SLC36A2: variants seen among roughly 807,000 people sequenced by gnomAD.
SLC36A2 encodes proton-coupled amino acid transporter 2.
A neutral mutation model predicts 42.7 loss-of-function variants in SLC36A2; 39 were observed. That is an observed-to-expected ratio of 0.91 (90% CI 0.71 to 1.19). SLC36A2 has a LOEUF of 1.19. SLC36A2 is among the 50% of genes most tolerant of loss of function. SLC36A2 has a pLI of 0.00. For synonymous variants in SLC36A2, 237 were observed against 240.8 expected, an observed-to-expected ratio of 0.98 and a Z score of 0.15; for missense variants, 590 against 613.7, an observed-to-expected ratio of 0.96 and a Z score of 0.41.
At chr5:151,342,052 A>G (rs1756361570) in intron 4 of SLC36A2, among the ~76,000 whole-genome samples, 1 of 152,114 alleles carries the variant, frequency 6.6e-6, no homozygotes, top group Non-Finnish European at 1.5e-5. Flanking sequence ...CTTACAATCT[A>G]TTCTCCTTAG....
intron 5 of SLC36A2, among the ~76,000 whole-genome samples, chr5:151,336,632 C>T (rs1200113075): frequency 2.0e-5 from 3 of 151,940 alleles, no homozygotes; most frequent in Non-Finnish European, 4.4e-5. Flanking sequence ...TAGCCCTGGA[C>T]CCCACCCACT....
intron 1 of SLC36A2, among the ~76,000 whole-genome samples, chr5:151,346,017 C>A (rs1280085672): frequency 6.6e-6 from 1 of 152,186 alleles, no homozygotes. Flanking sequence ...CTGGGTGAGC[C>A]AACCCCATCG....
chr5:151,342,570 A>G (rs1045652574), intron 4 of SLC36A2, among the ~76,000 whole-genome samples: 1 of 152,230 alleles, frequency 6.6e-6, no homozygotes, highest in African/African-American at 2.4e-5. Context: ...TCACTGGACT[A>G]TGGGTTCTGT....
intron 4 of SLC36A2, among the ~76,000 whole-genome samples, 163 bp downstream of exon 4, chr5:151,342,724 GA>G (rs1756381837): frequency 6.6e-6 from 1 of 152,240 alleles, no homozygotes; most frequent in African/African-American, 2.4e-5. Context: ...AGATACACAA[GA>G]AGTGGGGGTT....
rs1399487522 is a variant in SLC36A2 at position 151,336,860 on chromosome 5, T to C, written c.526-1313A>G. 3.3e-5 allele frequency among the ~76,000 whole-genome samples: 5 copies of C among 152,218 alleles called. No individual in the cohort carries two copies. The East Asian group carries it at 9.6e-4, about 29-fold the overall frequency. On this transcript the variant is annotated intron_variant, in intron 5 of 9. Coordinates refer to ENST00000335244, the MANE Select transcript of SLC36A2 (RefSeq NM_181776.3). ...GAGTTCAGCAGGAGGAAAACACAAA[T>C]GCATTGATAATCTCAGTATCAAGAT...
At position 151,342,894 on chromosome 5, in the gene SLC36A2, C is replaced by A. The variant is rs143350420; in HGVS notation, c.434G>T (p.Trp145Leu). Residue 145 changes from tryptophan (W) to leucine (L), a missense_variant, in exon 4 of 10, where the codon TGG becomes TTG. Transcript: ENST00000335244. ...CAAAGCAAGAACAGGTTACCTTCCC[C>A]AGTGAGCGTGATTCTGGAGCCAGGC... is the stretch of plus-strand genomic sequence containing the variant. ...PNAWLQNHAH[W>L]GRHIVSFFLI... 2.9e-5 allele frequency: 47 copies of A among 1,614,028 alleles called. No homozygotes were observed. The highest frequency in any genetic ancestry group is 3.9e-5 in the Non-Finnish European group (46 of 1,179,918).
Position 151,343,522 on chromosome 5 carries a change from C to A in SLC36A2, c.332G>T (p.Arg111Leu). 1 of 1,614,128 alleles carries A rather than the reference C, an allele frequency of 6.2e-7. No homozygotes were observed. Among genetic ancestry groups the A allele is most frequent in the Non-Finnish European group, 8.5e-7 (1 of 1,180,012 alleles). ...CTGTTTTCCTCACCTCTTACAGAAG[C>A]GCTGGGCACACTTGACCAGGATGTG... ...CMHILVKCAQ[R>L]FCKRLNKPFM... The change falls in exon 3 of 10, where the codon CGC (arginine) becomes CTC (leucine). Residue 111 changes from arginine to leucine, a missense_variant. Physicochemically the swap from Arg to Leu is moderately radical, Grantham distance 102 (BLOSUM62 -2). Coordinates refer to ENST00000335244, the MANE Select transcript of SLC36A2 (RefSeq NM_181776.3).
chr5:151,344,350 C>G, intron 1 of SLC36A2, 83 bp from the exon 2 acceptor site: 1 of 1,175,782 alleles, frequency 8.5e-7, no homozygotes, highest in South Asian at 1.3e-5. Flanking sequence ...CATGCCAGCA[C>G]CTGATAGGCG....
chr5:151,325,264 A>G lies in SLC36A2; in HGVS notation c.1010+22T>C, dbSNP rs368072067. The G allele has an allele frequency of 3.5e-5, 57 of 1,611,270 alleles. No homozygotes were observed. In the African/African-American group the frequency reaches 7.5e-4, roughly 21 times the overall value. ...TTCCACCCATTCCTGAGTCCCCACC[A>G]CCTGACAGCCCATGAAGATACCAGC... On this transcript the variant is annotated intron_variant, in intron 8 of 9. Transcript: ENST00000335244.
rs1755514509 is a variant in SLC36A2 at position 151,316,965 on chromosome 5, C to T, written c.1304G>A (p.Gly435Asp). ...CTTGAAGATGGTGAGGGGGCTCATGCCCTCTGAGTAGAACGTGGTGACCTC... is the reference window on the plus strand; with the variant it reads ...CTTGAAGATGGTGAGGGGGCTCATGTCCTCTGAGTAGAACGTGGTGACCTC... The part of the protein sequence containing the change: ...LLEVTTFYSE[G>D]MSPLTIFKDA... Residue 435 changes from glycine (G) to aspartate (D), a missense_variant, in exon 10 of 10, where the codon GGC (glycine) becomes GAC (aspartate). Transcript: ENST00000335244. 4 of 1,613,970 alleles carry T rather than the reference C, an allele frequency of 2.5e-6. No homozygotes were observed. Among genetic ancestry groups the T allele is most frequent in the Non-Finnish European group, 3.4e-6 (4 of 1,179,988 alleles).
intron 7 of SLC36A2, chr5:151,332,370 A>C: frequency 2.2e-6 from 1 of 455,050 alleles, no homozygotes. Context: ...AGATGTGCAA[A>C]TTGCCAACAA....
In SLC36A2 at chr5:151,343,608, G is replaced by A. The variant is rs1195773796; in HGVS notation, c.256-10C>T. The A allele has an allele frequency of 6.2e-7, 1 of 1,612,330 alleles. No individual in the cohort carries two copies. The highest frequency in any genetic ancestry group is 1.3e-5 in the African/African-American group (1 of 75,024). On this transcript the variant is annotated splice_polypyrimidine_tract_variant and intron_variant, in intron 2 of 9. Coordinates refer to ENST00000335244, the MANE Select transcript of SLC36A2 (RefSeq NM_181776.3). ...GACTGAGTGGGCCCATCTGGAGGAA[G>A]GGGAGGCAAGGGGCGAGGGAGGAGA... is the stretch of plus-strand genomic sequence containing the variant.
Position 151,316,792 on chromosome 5 carries a change from T to C in SLC36A2, c.*25A>G. On this transcript the variant is annotated 3_prime_UTR_variant, in exon 10 of 10. Coordinates refer to ENST00000335244, the MANE Select transcript of SLC36A2 (RefSeq NM_181776.3). ...ATCCATATAATTAAAAGTCGGGTGC[T>C]GGTAGGCAAGGAGCAGTGCCAGGCT... 1 of 1,547,142 alleles carries C rather than the reference T, an allele frequency of 6.5e-7. No individual in the cohort carries two copies.
Position 151,316,677 on chromosome 5 carries a change from T to G in SLC36A2, c.*140A>C. On this transcript the variant is annotated 3_prime_UTR_variant, in exon 10 of 10. Coordinates refer to ENST00000335244, the MANE Select transcript of SLC36A2 (RefSeq NM_181776.3). Reference sequence around the variant, plus strand: ...ATCGCTTGAACCCAGGAGGCCGAAGTTGTGGTGAGCTGAGATCGCATCATT... The same window carrying G: ...ATCGCTTGAACCCAGGAGGCCGAAGGTGTGGTGAGCTGAGATCGCATCATT... The G allele has an allele frequency of 2.8e-6, 3 of 1,085,330 alleles. No homozygotes were observed. The highest frequency in any genetic ancestry group is 3.8e-6 in the Non-Finnish European group (3 of 781,482). 67.2% of individuals were successfully genotyped at this position (1,085,330 alleles called of 1,614,324 possible).
Position 151,316,868 on chromosome 5 carries a change from G to C in SLC36A2, c.1401C>G (p.Leu467=). The C allele has an allele frequency of 1.9e-6, 3 of 1,613,736 alleles. No individual in the cohort carries two copies. The highest frequency in any genetic ancestry group is 2.5e-6 in the Non-Finnish European group (3 of 1,179,850). ...AAAAGGGGTGAGAGTCTTCTGACTT[G>C]AGCAGCTCGTCCAGGGCCTGGTAGG... ...VGTYQALDEL[L]KSEDSHPFSN... is the part of the protein sequence containing the mutation. Residue 467 remains leucine, a synonymous_variant, in exon 10 of 10, where the codon CTC becomes CTG. Coordinates refer to ENST00000335244, the MANE Select transcript of SLC36A2 (RefSeq NM_181776.3).
At position 151,338,758 on chromosome 5, in the gene SLC36A2, G is replaced by A. The variant is rs1165351826; in HGVS notation, c.525+302C>T. 3 of 288,738 alleles carry A rather than the reference G, an allele frequency of 1.0e-5. No individual in the cohort carries two copies. The East Asian group carries it at 2.4e-4, about 23-fold the overall frequency. The allele number at this position is 288,738 out of a possible 1,614,324, so 17.9% of individuals were successfully genotyped here. On this transcript the variant is annotated intron_variant, in intron 5 of 9. Transcript: ENST00000335244. ...GAAGACCCATATCAATTTTAGAAGCGTTAAGTATAATTAAGCTTCAAGGCA... is the reference window on the plus strand; with the variant it reads ...GAAGACCCATATCAATTTTAGAAGCATTAAGTATAATTAAGCTTCAAGGCA...
intron 4 of SLC36A2, 90 bp from the exon 5 acceptor site, chr5:151,339,234 C>T: frequency 1.0e-6 from 1 of 991,244 alleles, no homozygotes; most frequent in Middle Eastern, 2.3e-4. Flanking sequence ...CCTCTGTTCC[C>T]AGGGATTGGT....
At chr5:151,323,358 T>C (rs1324540787) in intron 8 of SLC36A2, among the ~76,000 whole-genome samples, 1 of 152,248 alleles carries the variant, frequency 6.6e-6, no homozygotes, top group East Asian at 1.9e-4. Context: ...TTGCTCACAC[T>C]AGTCCTGCTG....
Position 151,316,740 on chromosome 5 carries a change from CAAAA to C in SLC36A2, c.*73_*76del, listed in dbSNP as rs33912867. 2.0e-3 allele frequency: 1,806 copies of C among 892,084 alleles called. No homozygotes were observed. The highest frequency in any genetic ancestry group is 4.2e-3 in the Middle Eastern group (11 of 2,638). 55.3% of individuals were successfully genotyped at this position (892,084 alleles called of 1,614,324 possible). On this transcript the variant is annotated 3_prime_UTR_variant, in exon 10 of 10. Transcript: ENST00000335244. ...GGGCAACAAGACAGAAACTCCGTCT[CAAAA>C]AAAAAAAAAAAAAAAAAAAGAGATC... is the stretch of plus-strand genomic sequence containing the variant.
Sources: gnomAD v4.1 joint callset for allele counts (sites outside exome capture counted in the v4.1 genomes callset) on GRCh38, gnomAD v4.1.1 for gene constraint, MANE v1.5 for transcripts, NCBI Gene and HGNC (gene_info 2026-07-23, HGNC 2026-07-21) for gene names.